The following PCDHGA6 variants were observed in gnomAD, a reference collection of about 807,000 sequenced individuals.
PCDHGA6 encodes protocadherin gamma subfamily A, 6.
PCDHGA6 carries 41 observed loss-of-function variants against 60.6 expected under a neutral mutation model. The observed-to-expected ratio is 0.68, with a 90% CI of 0.53 to 0.88. PCDHGA6 has a LOEUF of 0.88. Ranked by LOEUF, PCDHGA6 falls within the 40% of genes least tolerant of loss-of-function variation. The pLI, the probability that PCDHGA6 is intolerant of heterozygous loss-of-function variation, is 0.00. For missense variants in PCDHGA6, 1,312 were observed against 1,203.0 expected (o/e 1.09, Z -1.34); for synonymous variants, 594 against 524.4 (o/e 1.13, Z -1.81).
intron 1 of PCDHGA6, among the ~76,000 whole-genome samples, chr5:141,459,678 G>A (rs1240789253): frequency 2.0e-5 from 3 of 152,184 alleles, no homozygotes; most frequent in African/African-American, 7.2e-5. Flanking sequence ...CATGAGCAAT[G>A]CATAAAGCGT....
chr5:141,384,112 G>T (rs372458558), intron 1 of PCDHGA6: 2 of 1,605,392 alleles, frequency 1.2e-6, no homozygotes, highest in Non-Finnish European at 1.7e-6. Flanking sequence ...TTATAGATTG[G>T]TCACAACCAA....
At chr5:141,415,401 G>T in intron 1 of PCDHGA6, 2 of 1,614,206 alleles carry the variant, frequency 1.2e-6, no homozygotes, top group Non-Finnish European at 1.7e-6. Context: ...TGTCCGGCTC[G>T]CACTTTGTGG....
chr5:141,409,023 A>C, intron 1 of PCDHGA6: 1 of 1,614,044 alleles, frequency 6.2e-7, no homozygotes, highest in Non-Finnish European at 8.5e-7. Flanking sequence ...GAGGGGGTCA[A>C]TGCTGAGATA....
At chr5:141,425,069 A>C (rs771114613) in intron 1 of PCDHGA6, among the ~76,000 whole-genome samples, 30 of 152,170 alleles carry the variant, frequency 2.0e-4, no homozygotes, top group Non-Finnish European at 4.1e-4. Context: ...GACAAAAATA[A>C]TTTCAACTGT....
chr5:141,433,305 C>A, intron 1 of PCDHGA6: 1 of 931,030 alleles, frequency 1.1e-6, no homozygotes, highest in Non-Finnish European at 1.6e-6. Context: ...GCAATTATCC[C>A]ACCTTTGCCT....
rs2097718776 is a variant in PCDHGA6, at chr5:141,434,813, T to C, written c.2424+58306T>C. On this transcript the variant is annotated intron_variant, in intron 1 of 3. Coordinates refer to ENST00000517434, the MANE Select transcript of PCDHGA6 (RefSeq NM_018919.3). ...TTTTTTCTGAGCTTGGAGAAATATA[T>C]CCCTTAGTACACTTGGCATTTATAA... Among the ~76,000 whole-genome samples, 5 of 151,962 alleles carry C rather than the reference T, an allele frequency of 3.3e-5. No individual in the cohort carries two copies. In the South Asian group the frequency reaches 1.0e-3, roughly 32 times the overall value.
rs770685748 is a variant in PCDHGA6 at position 141,486,601 on chromosome 5, C to T, written c.2425-8206C>T. 9 of 1,613,558 alleles carry T rather than the reference C, an allele frequency of 5.6e-6. No homozygotes were observed. The highest frequency in any genetic ancestry group is 7.6e-6 in the Non-Finnish European group (9 of 1,180,024). On this transcript the variant is annotated intron_variant, in intron 1 of 3. Transcript: ENST00000517434. This position sits in a 1 kb window ranked among gnomAD's most constrained non-coding sequence, Gnocchi z 5.0. ...ATCGCCCAGGGGACCTGCTTTGCTC[C>T]CTTGCAGCCTCTGACCCAGACTCTG...
intron 1 of PCDHGA6, chr5:141,428,269 C>T (rs1326212294): frequency 1.3e-6 from 1 of 777,738 alleles, no homozygotes; most frequent in Non-Finnish European, 2.2e-6. Flanking sequence ...CAGTCCTGTG[C>T]CCTCTGATTC....
At position 141,393,612 on chromosome 5, in the gene PCDHGA6, A is replaced by G. The variant is rs1171689277; in HGVS notation, c.2424+17105A>G. Reference sequence around the variant, plus strand: ...CACGCGGCTGCTTACTGTAACAGCCAGCGACCCGGATGAGGGAATCAACGG... The same window carrying G: ...CACGCGGCTGCTTACTGTAACAGCCGGCGACCCGGATGAGGGAATCAACGG... On this transcript the variant is annotated intron_variant, in intron 1 of 3. Coordinates refer to ENST00000517434, the MANE Select transcript of PCDHGA6 (RefSeq NM_018919.3). 6.2e-7 allele frequency: 1 copy of G among 1,613,840 alleles called. No homozygotes were observed. Among genetic ancestry groups the G allele is most frequent in the Non-Finnish European group, 8.5e-7 (1 of 1,179,908 alleles).
intron 1 of PCDHGA6, chr5:141,388,988 A>G (rs756635794): frequency 6.2e-7 from 1 of 1,614,076 alleles, no homozygotes; most frequent in Non-Finnish European, 8.5e-7. Flanking sequence ...CTTTGCTCAA[A>G]GTCCGTGACA....
At chr5:141,498,222 T>A (rs1258826914) in intron 2 of PCDHGA6, among the ~76,000 whole-genome samples, 1 of 152,218 alleles carries the variant, frequency 6.6e-6, no homozygotes, top group East Asian at 1.9e-4. Flanking sequence ...GCATTCCAGA[T>A]GGTCAGGCAT....
intron 2 of PCDHGA6, among the ~76,000 whole-genome samples, chr5:141,497,614 A>C (rs1377740795): frequency 6.8e-6 from 1 of 146,530 alleles, no homozygotes; most frequent in African/African-American, 2.6e-5. Context: ...ATCTTGGCTC[A>C]CTGCAACCTC....
intron 1 of PCDHGA6, chr5:141,420,323 A>G (rs753373746): frequency 2.1e-6 from 3 of 1,410,102 alleles, no homozygotes; most frequent in East Asian, 2.4e-5. Flanking sequence ...CAATATGCCA[A>G]TATATTCCAA....
At chr5:141,384,666 C>T in intron 1 of PCDHGA6, 1 of 1,614,220 alleles carries the variant, frequency 6.2e-7, no homozygotes, top group Non-Finnish European at 8.5e-7. Flanking sequence ...ACCTGGTGAC[C>T]AAGGTGGTGG....
intron 1 of PCDHGA6, chr5:141,405,047 G>C: frequency 1.2e-6 from 2 of 1,613,944 alleles, no homozygotes; most frequent in Non-Finnish European, 1.7e-6. Flanking sequence ...GGCTGTGGCA[G>C]TCGTCTCCTG....
At chr5:141,395,253 T>G (rs765397414) in intron 1 of PCDHGA6, 1 of 1,557,696 alleles carries the variant, frequency 6.4e-7, no homozygotes, top group Admixed American at 2.0e-5. Flanking sequence ...TTTAGTTCTT[T>G]GCTTGCTTTT....
At chr5:141,478,620 G>A (rs1400703951) in intron 1 of PCDHGA6, 2 of 1,555,472 alleles carry the variant, frequency 1.3e-6, no homozygotes, top group East Asian at 2.4e-5. Context: ...AAGGAATGGA[G>A]CTGTTTTTTT....
rs780541121 is a variant in PCDHGA6 at position 141,477,533 on chromosome 5, G to T, written c.2425-17274G>T. ...TTACATTGAAGAAAACAACCTCCCCGGGGCTCCAATACTAAACCTAAGTGT... is the reference window on the plus strand; with the variant it reads ...TTACATTGAAGAAAACAACCTCCCCTGGGCTCCAATACTAAACCTAAGTGT... On this transcript the variant is annotated intron_variant, in intron 1 of 3. Coordinates refer to ENST00000517434, the MANE Select transcript of PCDHGA6 (RefSeq NM_018919.3). This position sits in a 1 kb window ranked among gnomAD's most constrained non-coding sequence, Gnocchi z 4.9. 6.2e-7 allele frequency: 1 copy of T among 1,614,010 alleles called. No homozygotes were observed. The highest frequency in any genetic ancestry group is 1.1e-5 in the South Asian group (1 of 91,066).
At chr5:141,397,569 G>A (rs996927698) in intron 1 of PCDHGA6, among the ~76,000 whole-genome samples, 2 of 152,162 alleles carry the variant, frequency 1.3e-5, no homozygotes, top group Non-Finnish European at 2.9e-5. Context: ...CTGAGAGCAA[G>A]AACTGTATCA....
Sources: gnomAD v4.1 joint callset for allele counts (sites outside exome capture counted in the v4.1 genomes callset) on GRCh38, gnomAD v4.1.1 for gene constraint, Gnocchi (gnomAD v3.1) non-coding constraint, MANE v1.5 for transcripts, NCBI Gene and HGNC (gene_info 2026-07-23, HGNC 2026-07-21) for gene names.